The following PDZRN4 variants were observed in gnomAD, a reference collection of about 807,000 sequenced individuals.
The protein encoded by PDZRN4 is PDZ domain containing ring finger 4.
In PDZRN4, 70 loss-of-function variants were observed where a neutral mutation model predicts 99.0. The observed-to-expected ratio is 0.71, with a 90% CI of 0.58 to 0.86. The LOEUF is 0.86. PDZRN4 is among the 40% of genes least tolerant of loss of function. The pLI, the probability that PDZRN4 is intolerant of heterozygous loss-of-function variation, is 0.00. For synonymous variants in PDZRN4, 551 were observed against 501.6 expected (o/e 1.10, Z -1.32); for missense variants, 1,474 against 1,331.2 (o/e 1.11, Z -1.67).
chr12:41,431,458 T>C (rs538050386), intron 3 of PDZRN4, among the ~76,000 whole-genome samples: 1 of 152,270 alleles, frequency 6.6e-6, no homozygotes, highest in Admixed American at 6.5e-5. Flanking sequence ...CCAGAAACCA[T>C]GCTTAACCAG....
At chr12:41,339,327 A>T (rs917142507) in intron 3 of PDZRN4, among the ~76,000 whole-genome samples, 1 of 152,090 alleles carries the variant, frequency 6.6e-6, no homozygotes, top group Non-Finnish European at 1.5e-5. Flanking sequence ...TGTTGGGGAA[A>T]GAATACTCTT....
At chr12:41,533,250 C>T (rs551114499) in intron 5 of PDZRN4, among the ~76,000 whole-genome samples, 3 of 151,820 alleles carry the variant, frequency 2.0e-5, no homozygotes, top group African/African-American at 7.3e-5. Flanking sequence ...TCTTGGCTCA[C>T]TGCAACCTCC....
chr12:41,382,667 C>A (rs1199381709), intron 3 of PDZRN4, among the ~76,000 whole-genome samples: 4 of 152,180 alleles, frequency 2.6e-5, no homozygotes, highest in Non-Finnish European at 5.9e-5. Context: ...TTTTCCATTA[C>A]ACTATTTAGC....
intron 3 of PDZRN4, among the ~76,000 whole-genome samples, chr12:41,390,921 A>G (rs975139014): frequency 6.6e-6 from 1 of 152,232 alleles, no homozygotes; most frequent in Non-Finnish European, 1.5e-5. Context: ...GGAAGAAAAT[A>G]TGATTCTATC....
intron 3 of PDZRN4, among the ~76,000 whole-genome samples, chr12:41,240,701 C>T (rs1951096355): frequency 6.6e-6 from 1 of 152,160 alleles, no homozygotes; most frequent in African/African-American, 2.4e-5. Flanking sequence ...GGTGGGGATT[C>T]ACTTCCTTGT....
At chr12:41,214,952 CTTATT>C (rs1950911464) in intron 3 of PDZRN4, among the ~76,000 whole-genome samples, 2 of 152,068 alleles carry the variant, frequency 1.3e-5, no homozygotes, top group African/African-American at 2.4e-5. Flanking sequence ...GTCTAATACT[CTTATT>C]TTGTGGATGA....
chr12:41,427,174 A>C (rs1156510266), intron 3 of PDZRN4, among the ~76,000 whole-genome samples: 1 of 152,172 alleles, frequency 6.6e-6, no homozygotes, highest in African/African-American at 2.4e-5. Flanking sequence ...ATCTTAAAGG[A>C]ATTTAACTGC....
At chr12:41,525,551 A>G (rs1938554274) in intron 5 of PDZRN4, among the ~76,000 whole-genome samples, 1 of 152,200 alleles carries the variant, frequency 6.6e-6, no homozygotes, top group Non-Finnish European at 1.5e-5. Flanking sequence ...ACATATACAC[A>G]TATGAAACCA....
chr12:41,505,158 C>A (rs1284184010), intron 3 of PDZRN4, among the ~76,000 whole-genome samples: 1 of 152,146 alleles, frequency 6.6e-6, no homozygotes, highest in African/African-American at 2.4e-5. Flanking sequence ...TTCTCTACAG[C>A]TGCAACTCAG....
chr12:41,291,567 C>T (rs2120908686), intron 3 of PDZRN4, among the ~76,000 whole-genome samples: 1 of 152,200 alleles, frequency 6.6e-6, no homozygotes, highest in African/African-American at 2.4e-5. Context: ...AATCATTATT[C>T]ATCCTAAGCC....
rs1458399893 is a variant in PDZRN4 at position 41,331,903 on chromosome 12, G to T, written c.843+137715G>T. 3.3e-5 allele frequency among the ~76,000 whole-genome samples: 5 copies of T among 152,114 alleles called. No homozygotes were observed. The East Asian group carries it at 9.7e-4, about 29-fold the overall frequency. ...AACTACAATTCAATGTGAGATTTGG[G>T]TGAGGACACAGCCGAATCTATCTGG... On this transcript the variant is annotated intron_variant, in intron 3 of 9. Coordinates refer to ENST00000402685, the MANE Select transcript of PDZRN4 (RefSeq NM_001164595.2).
chr12:41,213,489 T>C (rs1197158691), intron 3 of PDZRN4, among the ~76,000 whole-genome samples: 1 of 152,088 alleles, frequency 6.6e-6, no homozygotes, highest in African/African-American at 2.4e-5. Flanking sequence ...ATGCCCACAC[T>C]GACAGTTCAC....
chr12:41,422,392 C>A (rs1401958640), intron 3 of PDZRN4, among the ~76,000 whole-genome samples: 2 of 152,066 alleles, frequency 1.3e-5, no homozygotes, highest in African/African-American at 4.8e-5. Context: ...TGTTGGTTAT[C>A]ATTATTATAG....
In PDZRN4 at chr12:41,567,901, TAGGGCCAACAATTTGAAC is replaced by T; in HGVS notation, c.1584+3_1584+20del. 6.4e-7 allele frequency: 1 copy of T among 1,551,656 alleles called. No individual in the cohort carries two copies. Among genetic ancestry groups the T allele is most frequent in the Non-Finnish European group, 8.9e-7 (1 of 1,129,098 alleles). On this transcript the variant is annotated splice_donor_5th_base_variant and intron_variant, in intron 9 of 9. Coordinates refer to ENST00000402685, the MANE Select transcript of PDZRN4 (RefSeq NM_001164595.2). ...CCCACTGCCAATGAGGTGGAGCAGG[TAGGGCCAACAATTTGAAC>T]TACATCATTTGATATGTTGCTTGTT...
chr12:41,384,408 A>G (rs1952150803), intron 3 of PDZRN4, among the ~76,000 whole-genome samples: 1 of 152,122 alleles, frequency 6.6e-6, no homozygotes, highest in African/African-American at 2.4e-5. Flanking sequence ...CACAGACAGA[A>G]ACTTTATTTT....
chr12:41,497,614 T>C (rs1938032494), intron 3 of PDZRN4, among the ~76,000 whole-genome samples: 2 of 152,128 alleles, frequency 1.3e-5, no homozygotes, highest in Admixed American at 6.6e-5. Flanking sequence ...AAAAGTCTTT[T>C]TGTAGTAATG....
chr12:41,285,681 A>G (rs1162032967), intron 3 of PDZRN4, among the ~76,000 whole-genome samples: 1 of 152,088 alleles, frequency 6.6e-6, no homozygotes, highest in Non-Finnish European at 1.5e-5. Flanking sequence ...GCCATAAAAA[A>G]TGAGTTCATG....
At chr12:41,195,210 G>A (rs1272997234) in intron 3 of PDZRN4, among the ~76,000 whole-genome samples, 2 of 151,994 alleles carry the variant, frequency 1.3e-5, no homozygotes, top group Non-Finnish European at 2.9e-5. Context: ...ATTACTTTTT[G>A]TTGCCAAAAA....
intron 3 of PDZRN4, among the ~76,000 whole-genome samples, chr12:41,313,028 T>C (rs1951617290): frequency 6.6e-6 from 1 of 152,162 alleles, no homozygotes; most frequent in Non-Finnish European, 1.5e-5. Flanking sequence ...CTTATTGCCT[T>C]ATTTCCACAC....
Sources: allele counts gnomAD v4.1 joint callset (sites outside exome capture counted in the v4.1 genomes callset), GRCh38; gene constraint gnomAD v4.1.1; transcripts MANE v1.5; gene names NCBI Gene and HGNC (gene_info 2026-07-23, HGNC 2026-07-21).